The following TMEM184B variants were observed in gnomAD, a reference collection of about 807,000 sequenced individuals.
TMEM184B encodes transmembrane protein 184B.
Under a neutral mutation model 41.8 loss-of-function variants are expected in TMEM184B, and 17 were observed. The observed-to-expected ratio is 0.41, with a 90% CI of 0.28 to 0.61. The LOEUF (loss-of-function observed/expected upper bound fraction) is 0.61. Among genes scored for constraint, TMEM184B ranks in the 20% least tolerant of loss-of-function variants. TMEM184B has a pLI of 0.34. For synonymous variants in TMEM184B, 240 were observed against 229.5 expected (o/e 1.05, Z -0.41); for missense variants, 393 against 557.8 (o/e 0.70, Z 2.98).
Position 38,219,363 on chromosome 22 carries a change from C to T in TMEM184B, c.*2106G>A. On this transcript the variant is annotated 3_prime_UTR_variant, in exon 9 of 9. Coordinates refer to ENST00000361906, the MANE Select transcript of TMEM184B (RefSeq NM_012264.5). ...ACTTTATTTGCTCACTTCTGTCACG[C>T]ATTTAAAATGTCACAGAGACCAAAA... 8.1e-6 allele frequency: 8 copies of T among 985,820 alleles called. No individual in the cohort carries two copies. The highest frequency in any genetic ancestry group is 9.6e-6 in the Non-Finnish European group (8 of 829,930). The allele number at this position is 985,820 out of a possible 1,614,324, so 61.1% of individuals were successfully genotyped here.
At position 38,220,160 on chromosome 22, in the gene TMEM184B, G is replaced by A; in HGVS notation, c.*1309C>T. The A allele has an allele frequency of 1.0e-6, 1 of 985,448 alleles. No homozygotes were observed. The highest frequency in any genetic ancestry group is 1.2e-6 in the Non-Finnish European group (1 of 829,954). The allele number at this position is 985,448 out of a possible 1,614,324, so 61.0% of individuals were successfully genotyped here. ...ACACGAGGCTCTTCCTAAGTCAGGA[G>A]CTAGTATAAGCCCAGCCTGCTGGGG... On this transcript the variant is annotated 3_prime_UTR_variant, in exon 9 of 9. Transcript: ENST00000361906.
At chr22:38,218,183 G>C (rs1176400562), downstream of TMEM184B, among the ~76,000 whole-genome samples, 4 of 152,176 alleles carry the variant, frequency 2.6e-5, no homozygotes, top group Non-Finnish European at 4.4e-5. Flanking sequence ...CCACCTGCAG[G>C]CCTAAACCAT....
At chr22:38,266,939 C>T (rs1193402406) in intron 1 of TMEM184B, among the ~76,000 whole-genome samples, 3 of 152,008 alleles carry the variant, frequency 2.0e-5, no homozygotes, top group Non-Finnish European at 4.4e-5. Context: ...AAAAATTAGC[C>T]GGGCGCCGTG....
intron 5 of TMEM184B, among the ~76,000 whole-genome samples, chr22:38,227,925 G>A (rs1291101533): frequency 2.0e-5 from 3 of 152,202 alleles, no homozygotes; most frequent in Admixed American, 6.5e-5. Flanking sequence ...TATCTAGAAA[G>A]CAAATAAATC....
At chr22:38,219,087 A>G (rs933336685), downstream of TMEM184B, among the ~76,000 whole-genome samples, 1 of 152,172 alleles carries the variant, frequency 6.6e-6, no homozygotes, top group African/African-American at 2.4e-5. Context: ...TGGGTTGGGA[A>G]CTGGCTGGAG....
chr22:38,241,680 C>T (rs891397298), intron 3 of TMEM184B, among the ~76,000 whole-genome samples: 6 of 151,668 alleles, frequency 4.0e-5, no homozygotes, highest in African/African-American at 9.7e-5. Flanking sequence ...ATCAGGAGAT[C>T]GAGACCATCC....
intron 1 of TMEM184B, among the ~76,000 whole-genome samples, chr22:38,256,977 GT>G (rs777863582): frequency 2.4e-3 from 302 of 124,290 alleles, no homozygotes; most frequent in East Asian, 3.5e-3. Context: ...GACATTAATA[GT>G]TTTTTTTTTT....
intron 1 of TMEM184B, among the ~76,000 whole-genome samples, chr22:38,264,097 G>A (rs909022775): frequency 2.0e-5 from 3 of 152,160 alleles, no homozygotes; most frequent in Non-Finnish European, 4.4e-5. Flanking sequence ...GAGCCACCGC[G>A]ACCAGCCAAT....
Position 38,272,909 on chromosome 22 carries a change from G to C in TMEM184B, c.-84C>G. On this transcript the variant is annotated 5_prime_UTR_variant, in exon 1 of 9. Transcript: ENST00000361906. The stretch of plus-strand genomic sequence containing the variant: ...CTCAGGAGCCCATGGCGGTGGCGGC[G>C]TCTGCGGACGATGCGCGGCAGCCGG... 6 of 699,866 alleles carry C rather than the reference G, an allele frequency of 8.6e-6. No individual in the cohort carries two copies. Among genetic ancestry groups the C allele is most frequent in the Non-Finnish European group, 1.1e-5 (6 of 569,264 alleles). The allele number at this position is 699,866 out of a possible 1,614,324, so 43.4% of individuals were successfully genotyped here. A position where few individuals can be genotyped will look rare whatever the true frequency, so the allele number is the denominator to read the frequency against.
At chr22:38,219,222 G>A (rs923586308), downstream of TMEM184B, 2 of 981,072 alleles carry the variant, frequency 2.0e-6, no homozygotes, top group East Asian at 1.1e-4. Flanking sequence ...TGTACCCACA[G>A]CCACTCCACC....
intron 2 of TMEM184B, 65 bp from the exon 3 acceptor site, chr22:38,246,165 G>C (rs2092025898): frequency 6.4e-7 from 1 of 1,562,736 alleles, no homozygotes. Context: ...GGGCAGGTGG[G>C]CTTCCAGCTC....
chr22:38,220,210 G>C lies in TMEM184B; in HGVS notation c.*1259C>G, dbSNP rs2091221175. ...GGTTCCGGAGGCCCCAGGTCTAGAG[G>C]TGTGGAGGGGGAGAGGAGGGGCTTG... On this transcript the variant is annotated 3_prime_UTR_variant, in exon 9 of 9. Transcript: ENST00000361906. 1.0e-6 allele frequency: 1 copy of C among 985,502 alleles called. No individual in the cohort carries two copies. The highest frequency in any genetic ancestry group is 1.2e-6 in the Non-Finnish European group (1 of 829,966). 61.0% of individuals were successfully genotyped at this position (985,502 alleles called of 1,614,324 possible). A position where few individuals can be genotyped will look rare whatever the true frequency, so the allele number is the denominator to read the frequency against.
Position 38,264,404 on chromosome 22 carries a change from G to A in TMEM184B, c.-59+8480C>T, listed in dbSNP as rs537277339. 2.5e-3 allele frequency among the ~76,000 whole-genome samples: 374 copies of A among 152,206 alleles called. 2 individuals carry two copies. Among genetic ancestry groups the A allele is most frequent in the African/African-American group, 8.6e-3 (356 of 41,532 alleles). ...CCATGAAGATGAGCAGGCAGGCCAG[G>A]TGGGAGGGGGTGGGGGTGCAGAGCC... On this transcript the variant is annotated intron_variant, in intron 1 of 8. Transcript: ENST00000361906.
At chr22:38,244,879 C>G (rs1269917765) in intron 3 of TMEM184B, among the ~76,000 whole-genome samples, 2 of 152,202 alleles carry the variant, frequency 1.3e-5, no homozygotes, top group African/African-American at 4.8e-5. Context: ...AGGTCAGAGG[C>G]CAGCTCCCAT....
intron 8 of TMEM184B, chr22:38,222,309 C>A: frequency 6.5e-6 from 1 of 154,082 alleles, no homozygotes; most frequent in East Asian, 1.9e-4. Flanking sequence ...TGGCCCAGGA[C>A]ACCTGGATGT....
intron 1 of TMEM184B, among the ~76,000 whole-genome samples, chr22:38,259,089 C>T (rs1399230316): frequency 6.6e-6 from 1 of 152,206 alleles, no homozygotes; most frequent in Admixed American, 6.5e-5. Context: ...CGGCTGGCCC[C>T]CCATCAGAGA....
At chr22:38,230,777 T>C (rs1193110308) in intron 4 of TMEM184B, 33 bp from the exon 5 acceptor site, 1 of 1,597,878 alleles carries the variant, frequency 6.3e-7, no homozygotes. Context: ...GCAGTGGCAG[T>C]GAGTGAAGAG....
At chr22:38,237,098 C>G (rs1257042667) in intron 3 of TMEM184B, among the ~76,000 whole-genome samples, 4 of 152,138 alleles carry the variant, frequency 2.6e-5, no homozygotes, top group African/African-American at 7.2e-5. Flanking sequence ...CCCCACCCAG[C>G]CTCTCAGCTG....
Position 38,226,726 on chromosome 22 carries a change from C to T in TMEM184B, c.617+53G>A, listed in dbSNP as rs2091450708. ...CTGCCCCCTTCCCTGAGCCAAGGCA[C>T]CAGCCTGCGCCAACACTCCTCCCAC... On this transcript the variant is annotated intron_variant, in intron 6 of 8. Coordinates refer to ENST00000361906, the MANE Select transcript of TMEM184B (RefSeq NM_012264.5). This position sits in a 1 kb window ranked among gnomAD's most constrained non-coding sequence, Gnocchi z 4.6. 1 of 1,530,954 alleles carries T rather than the reference C, an allele frequency of 6.5e-7. No homozygotes were observed. Among genetic ancestry groups the T allele is most frequent in the East Asian group, 2.4e-5 (1 of 40,992 alleles). The allele number at this position is 1,530,954 out of a possible 1,614,324, so 94.8% of individuals were successfully genotyped here. A position where few individuals can be genotyped will look rare whatever the true frequency, so the allele number is the denominator to read the frequency against.
Sources: allele counts gnomAD v4.1 joint callset (sites outside exome capture counted in the v4.1 genomes callset), GRCh38; gene constraint gnomAD v4.1.1; non-coding constraint Gnocchi (gnomAD v3.1); transcripts MANE v1.5; gene names NCBI Gene and HGNC (gene_info 2026-07-23, HGNC 2026-07-21).